Variants in LCORL observed in about 807,000 individuals in gnomAD.
The protein encoded by LCORL is ligand-dependent nuclear receptor corepressor-like protein.
LCORL carries 41 observed loss-of-function variants against 141.8 expected under a neutral mutation model. That is an observed-to-expected ratio of 0.29 (90% CI 0.23 to 0.38). The LOEUF is 0.38. LCORL is among the 10% of genes least tolerant of loss of function. The pLI, the probability that LCORL is intolerant of heterozygous loss-of-function variation, is 1.00. For synonymous variants in LCORL, 618 were observed against 694.1 expected, an observed-to-expected ratio of 0.89 and a Z score of 1.72; for missense variants, 1,759 against 2,035.0, an observed-to-expected ratio of 0.86 and a Z score of 2.61.
intron 7 of LCORL, chr4:17,866,957 T>C: frequency 2.0e-6 from 2 of 983,960 alleles, no homozygotes; most frequent in Non-Finnish European, 2.4e-6. Flanking sequence ...TAGCAGGTGG[T>C]AGCAGCTGGT....
chr4:17,874,545 G>C lies in LCORL; in HGVS notation c.4445C>G (p.Thr1482Ser), dbSNP rs73098812. The stretch of plus-strand genomic sequence containing the variant: ...TGAAACTTCAAGTTCTAAAAGACAA[G>C]TTTCCAAAGGGCTTGCTACTTTGAA... Residue 1482 changes from threonine (T) to serine (S), a missense_variant, in exon 7 of 8, where the codon ACT (threonine) becomes AGT (serine). Physicochemically the swap from Thr to Ser is moderately conservative, Grantham distance 58. This residue lies in a region of LCORL where 39 missense variants were observed against 81.1 expected (regional missense o/e 0.48). Transcript: ENST00000635767. 4.6e-3 allele frequency: 5,644 copies of C among 1,233,634 alleles called. 224 individuals are homozygous for C. The African/African-American group carries it at 0.079, about 17-fold the overall frequency. The allele number at this position is 1,233,634 out of a possible 1,614,324, so 76.4% of individuals were successfully genotyped here.
At chr4:17,869,828 A>AT (rs932854290) in intron 7 of LCORL, among the ~76,000 whole-genome samples, 22 of 152,252 alleles carry the variant, frequency 1.4e-4, no homozygotes, top group Middle Eastern at 6.8e-3. Flanking sequence ...AATTTCTCAC[A>AT]TCTAAAGAGC....
Position 17,868,791 on chromosome 4 carries a change from G to A in LCORL, c.5602+4597C>T, listed in dbSNP as rs184715372. 5.7e-3 allele frequency among the ~76,000 whole-genome samples: 860 copies of A among 152,170 alleles called. 13 individuals carry two copies. The highest frequency in any genetic ancestry group is 0.02 in the African/African-American group (819 of 41,536). On this transcript the variant is annotated intron_variant, in intron 7 of 7. Transcript: ENST00000635767. ...GATCTCTTTGTCCTGTCATCCCCACGTGGTGAACTTGACTATTACTAAATC... is the reference window on the plus strand; with the variant it reads ...GATCTCTTTGTCCTGTCATCCCCACATGGTGAACTTGACTATTACTAAATC...
exon 8 of LCORL, chr4:17,845,849 C>A (rs528198495): frequency 6.2e-7 from 1 of 1,613,506 alleles, no homozygotes; most frequent in East Asian, 2.2e-5. Context: ...GGGCAACTTG[C>A]TGTATTCTCA....
chr4:18,009,196 G>A (rs145012658), intron 1 of LCORL, among the ~76,000 whole-genome samples: 21 of 152,066 alleles, frequency 1.4e-4, no homozygotes, highest in African/African-American at 4.3e-4. Context: ...CAACACTACA[G>A]ACAGCATTCT....
intron 1 of LCORL, among the ~76,000 whole-genome samples, chr4:18,004,800 C>T (rs1722522555): frequency 6.6e-6 from 1 of 152,146 alleles, no homozygotes; most frequent in African/African-American, 2.4e-5. Context: ...AAATCAAAAG[C>T]AAGTTAGCAG....
At chr4:17,980,480 A>G (rs973729291) in intron 1 of LCORL, among the ~76,000 whole-genome samples, 2 of 152,182 alleles carry the variant, frequency 1.3e-5, no homozygotes, top group Non-Finnish European at 2.9e-5. Flanking sequence ...TAGAATTGTG[A>G]TCCTCTTGTT....
chr4:17,981,782 T>G (rs1440112409), intron 1 of LCORL, among the ~76,000 whole-genome samples: 1 of 152,050 alleles, frequency 6.6e-6, no homozygotes, highest in Non-Finnish European at 1.5e-5. Flanking sequence ...GGGGTACATG[T>G]GCAGGTTTGT....
At chr4:17,899,027 C>A (rs955958867) in intron 5 of LCORL, among the ~76,000 whole-genome samples, 7 of 152,134 alleles carry the variant, frequency 4.6e-5, no homozygotes, top group African/African-American at 1.7e-4. Context: ...GTGTGAATCA[C>A]ATGAGTATGG....
chr4:17,908,537 T>G (rs1732016842), intron 5 of LCORL, among the ~76,000 whole-genome samples: 1 of 152,198 alleles, frequency 6.6e-6, no homozygotes, highest in Non-Finnish European at 1.5e-5. Context: ...TTGCCTTTCC[T>G]CTGTGAAGTT....
chr4:17,948,372 C>T (rs568060443), intron 4 of LCORL, among the ~76,000 whole-genome samples: 70 of 151,860 alleles, frequency 4.6e-4, no homozygotes, highest in African/African-American at 1.7e-3. Flanking sequence ...ATGTATTGAG[C>T]ATAAATACAC....
At position 17,874,088 on chromosome 4, in the gene LCORL, GT is replaced by G; in HGVS notation, c.4901del (p.Asn1634ThrfsTer4). ...CTCCCTCAGTCTTATTTAAAAATTG[GT>G]TCTGGCAGAAAAATCTTAAGTTTCT... On this transcript the variant is annotated frameshift_variant, in exon 7 of 8. Coordinates refer to ENST00000635767, the Ensembl canonical transcript of LCORL. LOFTEE classifies it high-confidence loss of function. The G allele has an allele frequency of 8.1e-7, 1 of 1,230,128 alleles. No individual in the cohort carries two copies. Among genetic ancestry groups the G allele is most frequent in the East Asian group, 3.2e-5 (1 of 31,310 alleles). The allele number at this position is 1,230,128 out of a possible 1,614,324, so 76.2% of individuals were successfully genotyped here.
intron 1 of LCORL, among the ~76,000 whole-genome samples, chr4:18,009,030 C>T (rs931376290): frequency 2.0e-5 from 3 of 152,038 alleles, no homozygotes; most frequent in African/African-American, 4.8e-5. Flanking sequence ...AGGAAATTAA[C>T]GGTAATACAC....
chr4:17,851,694 C>T (rs754864289), intron 7 of LCORL, among the ~76,000 whole-genome samples: 7 of 151,996 alleles, frequency 4.6e-5, no homozygotes, highest in Non-Finnish European at 7.4e-5. Flanking sequence ...ATAGAGCTGA[C>T]GAGGAGTAGA....
intron 4 of LCORL, chr4:17,912,753 G>A (rs925260463): frequency 2.2e-5 from 9 of 415,094 alleles, no homozygotes; most frequent in Middle Eastern, 7.9e-4. Context: ...GCACAGACCC[G>A]GGCAAAGAGG....
chr4:17,862,391 T>C (rs58854324), intron 7 of LCORL, among the ~76,000 whole-genome samples: 36,179 of 152,024 alleles, frequency 0.24, 5,459 homozygotes, highest in African/African-American at 0.41. Flanking sequence ...AAAGACCTGC[T>C]CCCATGATTC....
At chr4:17,848,426 T>C (rs1384234752) in intron 7 of LCORL, among the ~76,000 whole-genome samples, 1 of 152,210 alleles carries the variant, frequency 6.6e-6, no homozygotes, top group African/African-American at 2.4e-5. Context: ...CATGGCTCAC[T>C]GCAGCCTCCA....
intron 4 of LCORL, among the ~76,000 whole-genome samples, chr4:17,947,640 T>C (rs1739091297): frequency 6.6e-6 from 1 of 152,002 alleles, no homozygotes; most frequent in Non-Finnish European, 1.5e-5. Context: ...GTTGTGTCCA[T>C]AGATCACTTT....
intron 7 of LCORL, among the ~76,000 whole-genome samples, chr4:17,850,658 GAA>G (rs1312662026): frequency 1.3e-5 from 2 of 151,052 alleles, no homozygotes; most frequent in Non-Finnish European, 3.0e-5. Context: ...GGAGAAATAG[GAA>G]CACTTTGACA....
Sources: allele counts gnomAD v4.1 joint callset (sites outside exome capture counted in the v4.1 genomes callset), GRCh38; gene constraint gnomAD v4.1.1; regional missense constraint gnomAD v4.1.1; transcripts MANE v1.5; gene names NCBI Gene and HGNC (gene_info 2026-07-23, HGNC 2026-07-21).